The following N4BP1 variants were observed in gnomAD, a reference collection of about 807,000 sequenced individuals.
N4BP1 encodes NEDD4 binding protein 1.
N4BP1 carries 21 observed loss-of-function variants against 70.9 expected under a neutral mutation model. That is an observed-to-expected ratio of 0.30 (90% CI 0.21 to 0.43). The LOEUF (loss-of-function observed/expected upper bound fraction) is 0.43. N4BP1 is among the 20% of genes least tolerant of loss of function. The probability of loss-of-function intolerance (pLI) is 1.00; values close to 1 mark genes in which losing one functional copy is unlikely to be tolerated. For missense variants in N4BP1, 936 were observed against 1,069.4 expected, an observed-to-expected ratio of 0.88 and a Z score of 1.74; for synonymous variants, 387 against 394.6, an observed-to-expected ratio of 0.98 and a Z score of 0.23.
intron 1 of N4BP1, among the ~76,000 whole-genome samples, chr16:48,604,592 C>A (rs1330424358): frequency 7.6e-5 from 9 of 117,848 alleles, no homozygotes; most frequent in South Asian, 2.6e-4. Context: ...CAAAAAAAAA[C>A]AAAAAAAGGT....
chr16:48,607,158 G>T (rs768229427), intron 1 of N4BP1, among the ~76,000 whole-genome samples: 1 of 152,168 alleles, frequency 6.6e-6, no homozygotes, highest in Non-Finnish European at 1.5e-5. Context: ...GCACATACTA[G>T]CAAGAAACTG....
rs926066873 is a variant in N4BP1 at position 48,553,181 on chromosome 16, C to T, written c.2020+358G>A. Among the ~76,000 whole-genome samples, 7 of 152,212 alleles carry T rather than the reference C, an allele frequency of 4.6e-5. No individual in the cohort carries two copies. In the South Asian group the frequency reaches 8.3e-4, roughly 18 times the overall value. On this transcript the variant is annotated intron_variant, in intron 3 of 6. Transcript: ENST00000262384. ...AGCCTTAAATAGACTGTTAAAAAGACGTAACTTGAAGGGGCCAAATTTATG... is the reference window on the plus strand; with the variant it reads ...AGCCTTAAATAGACTGTTAAAAAGATGTAACTTGAAGGGGCCAAATTTATG...
At chr16:48,603,675 C>T (rs1964535605) in intron 1 of N4BP1, 2 of 152,174 alleles carry the variant, frequency 1.3e-5, no homozygotes, top group African/African-American at 4.8e-5. Flanking sequence ...ACTACTGAGG[C>T]ACCCCTTGGC....
At chr16:48,552,040 A>G (rs1963674346) in intron 3 of N4BP1, among the ~76,000 whole-genome samples, 1 of 152,112 alleles carries the variant, frequency 6.6e-6, no homozygotes, top group African/African-American at 2.4e-5. Context: ...GAGCTATACT[A>G]CAAGAAGTAG....
Position 48,546,128 on chromosome 16 carries a change from A to G in N4BP1, c.2333+19T>C, listed in dbSNP as rs1267541561. 3.1e-5 allele frequency: 47 copies of G among 1,525,648 alleles called. No homozygotes were observed. Among genetic ancestry groups the G allele is most frequent in the Non-Finnish European group, 4.0e-5 (44 of 1,104,310 alleles). The allele number at this position is 1,525,648 out of a possible 1,614,324, so 94.5% of individuals were successfully genotyped here. On this transcript the variant is annotated intron_variant, in intron 6 of 6. Coordinates refer to ENST00000262384, the MANE Select transcript of N4BP1 (RefSeq NM_153029.4). ...TGAAATAGAAGTTTTAATACAAGAC[A>G]ATCTGAAAAAGGAAATACCTAAGAC... is the stretch of plus-strand genomic sequence containing the variant.
chr16:48,555,943 C>T (rs1454828212), intron 2 of N4BP1, among the ~76,000 whole-genome samples: 1 of 152,144 alleles, frequency 6.6e-6, no homozygotes, highest in African/African-American at 2.4e-5. Context: ...CCCTCTTTTC[C>T]TTAAAGCTTC....
intron 1 of N4BP1, among the ~76,000 whole-genome samples, chr16:48,591,459 T>A (rs529509567): frequency 1.4e-4 from 21 of 152,252 alleles, no homozygotes; most frequent in African/African-American, 5.1e-4. Context: ...TAAAACTTAT[T>A]AATTTCACAT....
At position 48,542,744 on chromosome 16, in the gene N4BP1, T is replaced by G; in HGVS notation, c.*160A>C. The G allele has an allele frequency of 1.7e-6, 1 of 586,922 alleles. No individual in the cohort carries two copies. Among genetic ancestry groups the G allele is most frequent in the Non-Finnish European group, 2.7e-6 (1 of 365,154 alleles). The allele number at this position is 586,922 out of a possible 1,614,324, so 36.4% of individuals were successfully genotyped here. A position where few individuals can be genotyped will look rare whatever the true frequency, so the allele number is the denominator to read the frequency against. On this transcript the variant is annotated 3_prime_UTR_variant, in exon 7 of 7. Transcript: ENST00000262384. ...TTTATATATAGAAAAAAGCTGGTTT[T>G]GAAAACCCAGATTTATACCCAAAAC...
chr16:48,575,204 G>A (rs910088501), intron 1 of N4BP1, among the ~76,000 whole-genome samples: 3 of 152,164 alleles, frequency 2.0e-5, no homozygotes, highest in African/African-American at 7.2e-5. Flanking sequence ...TTAAGTTTGA[G>A]ATGTTTGGCC....
At chr16:48,567,539 G>A (rs1302681348) in intron 1 of N4BP1, among the ~76,000 whole-genome samples, 1 of 151,874 alleles carries the variant, frequency 6.6e-6, no homozygotes, top group Non-Finnish European at 1.5e-5. Context: ...GGCTGGTCTC[G>A]AACTTCTGGG....
chr16:48,561,844 T>G lies in N4BP1; in HGVS notation c.799A>C (p.Asn267His), dbSNP rs1000641101. The G allele has an allele frequency of 6.2e-7, 1 of 1,613,846 alleles. No homozygotes were observed. Among genetic ancestry groups the G allele is most frequent in the Admixed American group, 1.7e-5 (1 of 60,000 alleles). ...GCCTCTTCATCTGGGGTTAGACCAT[T>G]TATTGGATCAAAAAGCACATCTGGT... ...SSPDVLFDPINGLTPDEEALS... is the reference protein window; with the variant it reads ...SSPDVLFDPIHGLTPDEEALS... Residue 267 changes from asparagine to histidine, a missense_variant, in exon 2 of 7, where the codon AAT (asparagine) becomes CAT (histidine). Around this residue, in one of 4 missense-constraint regions of N4BP1, gnomAD observed 515 missense variants for 491.7 expected, o/e 1.05. Coordinates refer to ENST00000262384, the MANE Select transcript of N4BP1 (RefSeq NM_153029.4).
rs780810678 is a variant in N4BP1 at position 48,562,059 on chromosome 16, T to G, written c.584A>C (p.Asn195Thr). Residue 195 changes from asparagine (N) to threonine (T), a missense_variant, in exon 2 of 7, where the codon AAT becomes ACT. By Grantham distance (65) the Asn-to-Thr change is moderately conservative (BLOSUM62 0). Around this residue, in one of 4 missense-constraint regions of N4BP1, gnomAD observed 515 missense variants for 491.7 expected, o/e 1.05. Transcript: ENST00000262384. ...ELLTLTQGEENLFETGDDEVI... is the reference protein window; with the variant it reads ...ELLTLTQGEETLFETGDDEVI... Reference sequence around the variant, plus strand: ...CTCATCATCTCCTGTTTCAAAGAGATTCTCCTCACCTTGTGTGAGTGTCAA... The same window carrying G: ...CTCATCATCTCCTGTTTCAAAGAGAGTCTCCTCACCTTGTGTGAGTGTCAA... 3.7e-5 allele frequency: 59 copies of G among 1,613,540 alleles called. 1 individual carries two copies. The highest frequency in any genetic ancestry group is 2.8e-5 in the Non-Finnish European group (33 of 1,179,878).
chr16:48,550,523 A>T (rs1963650667), intron 4 of N4BP1, among the ~76,000 whole-genome samples: 1 of 152,090 alleles, frequency 6.6e-6, no homozygotes, highest in African/African-American at 2.4e-5. Flanking sequence ...TCAAAAACAA[A>T]ACAAAATATT....
At chr16:48,589,292 A>G (rs1295417541) in intron 1 of N4BP1, among the ~76,000 whole-genome samples, 1 of 152,204 alleles carries the variant, frequency 6.6e-6, no homozygotes, top group Non-Finnish European at 1.5e-5. Context: ...TGGTCAGCAG[A>G]GACCAAAGTA....
intron 1 of N4BP1, among the ~76,000 whole-genome samples, chr16:48,602,314 TC>T (rs1270157730): frequency 2.2e-4 from 33 of 152,302 alleles, no homozygotes; most frequent in African/African-American, 7.0e-4. Flanking sequence ...TGTAAGGATT[TC>T]CCCCCTACAA....
chr16:48,602,243 C>T (rs1171065929), intron 1 of N4BP1, among the ~76,000 whole-genome samples: 1 of 152,030 alleles, frequency 6.6e-6, no homozygotes, highest in Non-Finnish European at 1.5e-5. Context: ...ACAACAACAA[C>T]AACCAACAAA....
At chr16:48,590,211 C>T (rs1445485047) in intron 1 of N4BP1, among the ~76,000 whole-genome samples, 1 of 152,146 alleles carries the variant, frequency 6.6e-6, no homozygotes, top group Admixed American at 6.5e-5. Flanking sequence ...TGCCATCCCA[C>T]CCAGGAACAG....
chr16:48,544,110 A>G (rs1437285615), intron 6 of N4BP1, among the ~76,000 whole-genome samples: 1 of 152,226 alleles, frequency 6.6e-6, no homozygotes, highest in Non-Finnish European at 1.5e-5. Context: ...GATGTGGGGA[A>G]GCAAAATGAG....
chr16:48,547,612 T>G (rs1963607725), intron 5 of N4BP1, among the ~76,000 whole-genome samples: 2 of 152,266 alleles, frequency 1.3e-5, no homozygotes, highest in African/African-American at 4.8e-5. Flanking sequence ...CACATTGCTT[T>G]CGGTCCTTTC....
Sources: allele counts gnomAD v4.1 joint callset (sites outside exome capture counted in the v4.1 genomes callset), GRCh38; gene constraint gnomAD v4.1.1; regional missense constraint gnomAD v4.1.1; transcripts MANE v1.5; gene names NCBI Gene and HGNC (gene_info 2026-07-23, HGNC 2026-07-21).